TMPRSS9: variants seen among roughly 807,000 people sequenced by gnomAD.
TMPRSS9 encodes the protein transmembrane serine protease 9.
In TMPRSS9, 113 loss-of-function variants were observed where a neutral mutation model predicts 111.4. The ratio of observed to expected loss-of-function variants is 1.01; its 90% CI spans 0.87 to 1.19. TMPRSS9 has a LOEUF of 1.19. Among genes scored for constraint, TMPRSS9 ranks in the 50% most tolerant of loss-of-function variants. The pLI, the probability that TMPRSS9 is intolerant of heterozygous loss-of-function variation, is 0.00. For missense variants in TMPRSS9, 1,803 were observed against 1,513.1 expected, an observed-to-expected ratio of 1.19 and a Z score of -3.18; for synonymous variants, 805 against 659.1, an observed-to-expected ratio of 1.22 and a Z score of -3.39.
chr19:2,374,554 CAG>C (rs1970315553), intron 1 of TMPRSS9, among the ~76,000 whole-genome samples: 2 of 151,754 alleles, frequency 1.3e-5, no homozygotes, highest in Non-Finnish European at 2.9e-5. Flanking sequence ...AGCCTGGAGA[CAG>C]AGCGAGACTC....
At chr19:2,416,487 A>C (rs1228389525) in intron 11 of TMPRSS9, 51 bp from the exon 13 acceptor site, 4 of 1,563,464 alleles carry the variant, frequency 2.6e-6, no homozygotes, top group Admixed American at 3.4e-5. Context: ...CTCCCCAAGA[A>C]GGCGGGCATG....
At chr19:2,406,588 G>A (rs987645525) in intron 7 of TMPRSS9, among the ~76,000 whole-genome samples, 3 of 151,392 alleles carry the variant, frequency 2.0e-5, no homozygotes, top group Non-Finnish European at 4.4e-5. Context: ...GCCCACCTCA[G>A]CCTCCCAAAG....
chr19:2,363,942 C>T (rs1374157730), intron 1 of TMPRSS9, among the ~76,000 whole-genome samples: 1 of 151,564 alleles, frequency 6.6e-6, no homozygotes, highest in Non-Finnish European at 1.5e-5. Context: ...TCCTGTATAC[C>T]CTGGGATTAT....
upstream of TMPRSS9, among the ~76,000 whole-genome samples, chr19:2,386,113 ATTTAAT>A (rs1327604295): frequency 6.6e-6 from 1 of 151,936 alleles, no homozygotes; most frequent in African/African-American, 2.4e-5. Context: ...TGCCCAGCTA[ATTTAAT>A]TTTTATTTTC....
At chr19:2,390,126 AAAG>A (rs1970554273) in intron 1 of TMPRSS9, among the ~76,000 whole-genome samples, 199 bp downstream of exon 2, 1 of 152,122 alleles carries the variant, frequency 6.6e-6, no homozygotes, top group African/African-American at 2.4e-5. Flanking sequence ...TTTCCCGACT[AAAG>A]AAGCTCCCGA....
chr19:2,405,613 G>C, intron 7 of TMPRSS9, 68 bp downstream of exon 8: 2 of 1,419,376 alleles, frequency 1.4e-6, no homozygotes, highest in Non-Finnish European at 1.9e-6. Flanking sequence ...TCGTGCACTG[G>C]GGACGTCACT....
At chr19:2,424,660 G>GGCC (rs1400471861) in intron 15 of TMPRSS9, among the ~76,000 whole-genome samples, 1 of 152,014 alleles carries the variant, frequency 6.6e-6, no homozygotes, top group Non-Finnish European at 1.5e-5. Flanking sequence ...CCCTCCCCAG[G>GGCC]GCCCAAGCCC....
At chr19:2,387,787 T>G (rs1438937014), upstream of TMPRSS9, among the ~76,000 whole-genome samples, 2 of 151,976 alleles carry the variant, frequency 1.3e-5, no homozygotes, top group East Asian at 3.9e-4. Context: ...GGTGTGAAGG[T>G]CAGGAGCACT....
chr19:2,380,661 G>C (rs1036378811), intron 1 of TMPRSS9, among the ~76,000 whole-genome samples: 6 of 150,794 alleles, frequency 4.0e-5, no homozygotes, highest in South Asian at 2.1e-4. Context: ...ATGCAGCCCA[G>C]CTAACACCTG....
At chr19:2,419,798 T>C (rs1304282267) in intron 13 of TMPRSS9, among the ~76,000 whole-genome samples, 2 of 152,136 alleles carry the variant, frequency 1.3e-5, no homozygotes, top group African/African-American at 4.8e-5. Context: ...ATGGCAGGCC[T>C]GAGCCACTGC....
chr19:2,422,865 G>A (rs1214576859), intron 14 of TMPRSS9, among the ~76,000 whole-genome samples: 2 of 152,114 alleles, frequency 1.3e-5, no homozygotes, highest in Non-Finnish European at 2.9e-5. Flanking sequence ...TCCAGCCTGG[G>A]CAACAGAGTG....
chr19:2,400,533 C>T (rs374648315), intron 4 of TMPRSS9, among the ~76,000 whole-genome samples: 14 of 144,910 alleles, frequency 9.7e-5, no homozygotes, highest in African/African-American at 3.3e-4. Flanking sequence ...CAGAGTGAGA[C>T]TCCATCTCAA....
chr19:2,414,833 C>T (rs190963479), intron 10 of TMPRSS9, among the ~76,000 whole-genome samples: 1 of 150,252 alleles, frequency 6.7e-6, no homozygotes, highest in African/African-American at 2.5e-5. Flanking sequence ...TGACATGGTG[C>T]CACTGCACTC....
At chr19:2,396,394 C>G (rs1470168434) in intron 1 of TMPRSS9, 145 bp from the exon 3 acceptor site, 4 of 956,686 alleles carry the variant, frequency 4.2e-6, no homozygotes, top group Non-Finnish European at 5.8e-6. Context: ...TCAGGGCTAT[C>G]ACGGGGGCGT....
intron 1 of TMPRSS9, among the ~76,000 whole-genome samples, chr19:2,394,484 C>T (rs1288492288): frequency 6.6e-6 from 1 of 152,122 alleles, no homozygotes; most frequent in Non-Finnish European, 1.5e-5. Flanking sequence ...GAGCGGGAGG[C>T]GTTCTGAACT....
rs1004153355 is a variant in TMPRSS9, at chr19:2,424,871, A to G, written c.2718-131A>G. 1.0e-5 allele frequency: 12 copies of G among 1,199,158 alleles called. No individual in the cohort carries two copies. The African/African-American group carries it at 1.8e-4, about 18-fold the overall frequency. 74.3% of individuals were successfully genotyped at this position (1,199,158 alleles called of 1,614,324 possible). A position where few individuals can be genotyped will look rare whatever the true frequency, so the allele number is the denominator to read the frequency against. On this transcript the variant is annotated intron_variant, in intron 15 of 17. Transcript: ENST00000648592. Reference sequence around the variant, plus strand: ...GATGGGGGAGACTGAGCCCATTCCCAGACCGACAGCCAGAGACCAAGAGGC... The same window carrying G: ...GATGGGGGAGACTGAGCCCATTCCCGGACCGACAGCCAGAGACCAAGAGGC...
intron 1 of TMPRSS9, among the ~76,000 whole-genome samples, chr19:2,365,343 A>G (rs2145238263): frequency 6.6e-6 from 1 of 152,272 alleles, no homozygotes; most frequent in Middle Eastern, 3.4e-3. Flanking sequence ...AAATGAAAAA[A>G]AAAAGGAGAC....
At chr19:2,417,881 G>C in intron 12 of TMPRSS9, 121 bp from the exon 14 acceptor site, 6 of 1,352,486 alleles carry the variant, frequency 4.4e-6, no homozygotes, top group Non-Finnish European at 6.1e-6. Context: ...GCAACTCTGT[G>C]AGCCCTGGTT....
intron 1 of TMPRSS9, among the ~76,000 whole-genome samples, chr19:2,376,999 G>C (rs1970340590): frequency 6.6e-6 from 1 of 151,852 alleles, no homozygotes; most frequent in Non-Finnish European, 1.5e-5. Flanking sequence ...CCCAGAACCC[G>C]AGAAACTGGA....
Sources: gnomAD v4.1 joint callset for allele counts (sites outside exome capture counted in the v4.1 genomes callset) on GRCh38, gnomAD v4.1.1 for gene constraint, MANE v1.5 for transcripts, NCBI Gene and HGNC (gene_info 2026-07-23, HGNC 2026-07-21) for gene names.